Variants in C2CD3 observed in about 807,000 individuals in gnomAD.
C2CD3 encodes the protein C2 domain containing 3 centriole elongation regulator, also known as C2 domain-containing protein 3.
Under a neutral mutation model 234.0 loss-of-function variants are expected in C2CD3, and 148 were observed. The ratio of observed to expected loss-of-function variants is 0.63; its 90% confidence interval spans 0.55 to 0.72. C2CD3 has a LOEUF of 0.72. C2CD3 is among the 30% of genes least tolerant of loss of function. The pLI, the probability that C2CD3 is intolerant of heterozygous loss-of-function variation, is 0.00. For missense variants in C2CD3, 2,577 were observed against 2,811.5 expected (o/e 0.92, Z 1.89); for synonymous variants, 1,000 against 1,035.4 (o/e 0.97, Z 0.66).
At chr11:74,077,423 C>T (rs1234758800) in intron 23 of C2CD3, among the ~76,000 whole-genome samples, 1 of 152,084 alleles carries the variant, frequency 6.6e-6, no homozygotes, top group Non-Finnish European at 1.5e-5. Context: ...AACACCCTTT[C>T]TTAAGCAGGC....
chr11:74,078,438 T>G lies in C2CD3; in HGVS notation c.4280A>C (p.Asn1427Thr), dbSNP rs755076380. ...GCAATATGTATTCTTATGAATGTGGTTGTGGCCAGCAAGCAGCACACAATG... is the reference window on the plus strand; with the variant it reads ...GCAATATGTATTCTTATGAATGTGGGTGTGGCCAGCAAGCAGCACACAATG... ...PIHCVLLAGH[N>T]HIHKNTYCYL... The change falls in exon 23 of 33, where the codon AAC becomes ACC. Residue 1427 changes from asparagine to threonine, a missense_variant. Physicochemically the swap from Asn to Thr is moderately conservative, Grantham distance 65. Coordinates refer to ENST00000334126, the MANE Select transcript of C2CD3 (RefSeq NM_001286577.2). 6.2e-7 allele frequency: 1 copy of G among 1,614,212 alleles called. No homozygotes were observed. The highest frequency in any genetic ancestry group is 8.5e-7 in the Non-Finnish European group (1 of 1,180,032).
chr11:74,066,463 A>G (rs762776420), intron 24 of C2CD3, among the ~76,000 whole-genome samples: 2 of 151,940 alleles, frequency 1.3e-5, no homozygotes, highest in Non-Finnish European at 2.9e-5. Flanking sequence ...AAAAAAAAAC[A>G]TTTAACAAGT....
intron 1 of C2CD3, 105 bp downstream of exon 1, chr11:74,170,633 T>TA: frequency 7.5e-7 from 1 of 1,334,202 alleles, no homozygotes; most frequent in Non-Finnish European, 1.1e-6. Flanking sequence ...ACTTCCTTCT[T>TA]ACGTCCCTTT....
chr11:74,149,055 C>T (rs948076826), intron 3 of C2CD3, among the ~76,000 whole-genome samples: 2 of 152,178 alleles, frequency 1.3e-5, no homozygotes, highest in African/African-American at 4.8e-5. Flanking sequence ...ATACCTGATT[C>T]CTGTGGTATT....
chr11:74,076,726 C>A (rs1435852215), intron 23 of C2CD3, among the ~76,000 whole-genome samples: 4 of 152,178 alleles, frequency 2.6e-5, no homozygotes, highest in African/African-American at 9.7e-5. Flanking sequence ...GCCTCATTCT[C>A]CTGTACTTTG....
At chr11:74,116,442 C>A (rs1231685715) in intron 9 of C2CD3, among the ~76,000 whole-genome samples, 3 of 150,980 alleles carry the variant, frequency 2.0e-5, no homozygotes, top group Non-Finnish European at 4.4e-5. Flanking sequence ...TTTACTCCTG[C>A]AAGAATGGCC....
intron 9 of C2CD3, among the ~76,000 whole-genome samples, chr11:74,117,026 A>ATATGTATATATACACATATATACGTGTAT (rs1565313049): frequency 2.6e-5 from 3 of 114,148 alleles, no homozygotes; most frequent in African/African-American, 1.1e-4. Context: ...ATATACGTGT[A>ATATGTATATATACACATATATACGTGTAT]TATGTATATA....
intron 3 of C2CD3, among the ~76,000 whole-genome samples, chr11:74,156,323 G>T (rs1856015690): frequency 6.6e-6 from 1 of 151,538 alleles, no homozygotes; most frequent in African/African-American, 2.4e-5. Context: ...TTAGCTGGGG[G>T]TGGTGGTGTG....
chr11:74,118,906 T>A lies in C2CD3; in HGVS notation c.1366-524A>T, dbSNP rs77673935. On this transcript the variant is annotated intron_variant, in intron 8 of 32. Transcript: ENST00000334126. ...GTCACCTAATCATCTGGATAGACTA[T>A]TTTTTTTTTTTTTTTTTTTGAGACA... Among the ~76,000 whole-genome samples the A allele has an allele frequency of 6.9e-3, 495 of 71,640 alleles. 4 individuals carry two copies. Among genetic ancestry groups the A allele is most frequent in the African/African-American group, 0.047 (470 of 10,074 alleles). The allele number at this position is 71,640 out of a possible 152,430, so 47.0% of individuals were successfully genotyped here.
intron 7 of C2CD3, among the ~76,000 whole-genome samples, chr11:74,125,939 A>G (rs2135527401): frequency 6.6e-6 from 1 of 152,290 alleles, no homozygotes; most frequent in East Asian, 1.9e-4. Context: ...TCTCTATGAC[A>G]TATACCCGAA....
intron 7 of C2CD3, among the ~76,000 whole-genome samples, chr11:74,127,931 C>T (rs900257175): frequency 1.3e-5 from 2 of 151,786 alleles, no homozygotes; most frequent in Admixed American, 1.3e-4. Flanking sequence ...GGCGCGATCT[C>T]GGCTCACTGC....
At chr11:74,077,801 A>AATCTCT (rs1955120231) in intron 23 of C2CD3, among the ~76,000 whole-genome samples, 1 of 11,668 alleles carries the variant, frequency 8.6e-5, no homozygotes, top group Admixed American at 6.8e-4. Flanking sequence ...ATATATATAT[A>AATCTCT]TATATATATA....
chr11:74,164,255 A>T, intron 2 of C2CD3: 1 of 966,690 alleles, frequency 1.0e-6, no homozygotes, highest in Non-Finnish European at 1.2e-6. Flanking sequence ...ATCTGATCAA[A>T]GACAGGTAAA....
At chr11:74,092,765 T>C (rs974159179) in intron 18 of C2CD3, among the ~76,000 whole-genome samples, 177 bp from the exon 19 acceptor site, 4 of 146,148 alleles carry the variant, frequency 2.7e-5, no homozygotes, top group Admixed American at 1.3e-4. Context: ...AGGAACTCCA[T>C]AAATTATACC....
intron 3 of C2CD3, among the ~76,000 whole-genome samples, chr11:74,140,742 G>A (rs1958025078): frequency 6.6e-6 from 1 of 152,084 alleles, no homozygotes; most frequent in Non-Finnish European, 1.5e-5. Context: ...AATAAAAGAA[G>A]GACATAACAT....
At chr11:74,146,064 C>A (rs919870151) in intron 3 of C2CD3, among the ~76,000 whole-genome samples, 1 of 152,040 alleles carries the variant, frequency 6.6e-6, no homozygotes, top group East Asian at 1.9e-4. Context: ...TTATGATGGG[C>A]CTGTAGAACA....
At chr11:74,120,903 A>T (rs1248400958) in intron 8 of C2CD3, among the ~76,000 whole-genome samples, 2 of 152,042 alleles carry the variant, frequency 1.3e-5, no homozygotes, top group Non-Finnish European at 2.9e-5. Flanking sequence ...CATGCCTGTA[A>T]TTTCAACCCT....
Position 74,168,465 on chromosome 11 carries a change from T to C in C2CD3, c.204A>G (p.Glu68=). 2 of 1,614,198 alleles carry C rather than the reference T, an allele frequency of 1.2e-6. No individual in the cohort carries two copies. Among genetic ancestry groups the C allele is most frequent in the Non-Finnish European group, 1.7e-6 (2 of 1,180,020 alleles). The change falls in exon 2 of 33, where the codon GAA becomes GAG. Residue 68 remains glutamate, a synonymous_variant. Transcript: ENST00000334126. ...GACAAAAGAGGGTTCCATCTGATGTTTCTCCCCACCATCTCACTCGGACAA... is the reference window on the plus strand; with the variant it reads ...GACAAAAGAGGGTTCCATCTGATGTCTCTCCCCACCATCTCACTCGGACAA... ...CVLVRVRWWG[E]TSDGTLFCPR...
intron 22 of C2CD3, among the ~76,000 whole-genome samples, chr11:74,083,080 G>A (rs1955465053): frequency 6.6e-6 from 1 of 151,598 alleles, no homozygotes; most frequent in Admixed American, 6.5e-5. Context: ...GCATGGTACT[G>A]GTACCAAAAC....
Sources: gnomAD v4.1 joint callset for allele counts (sites outside exome capture counted in the v4.1 genomes callset) on GRCh38, gnomAD v4.1.1 for gene constraint, MANE v1.5 for transcripts, NCBI Gene and HGNC (gene_info 2026-07-23, HGNC 2026-07-21) for gene names.